KIF6: variants seen among roughly 807,000 people sequenced by gnomAD.
KIF6 encodes kinesin family member 6, also known as kinesin-like protein KIF6.
Under a neutral mutation model 112.7 loss-of-function variants are expected in KIF6, and 106 were observed. The observed-to-expected ratio is 0.94, with a 90% CI of 0.80 to 1.11. KIF6 has a LOEUF of 1.11. Among genes scored for constraint, KIF6 ranks in the 50% least tolerant of loss-of-function variants. KIF6 has a pLI of 0.00. For synonymous variants in KIF6, 339 were observed against 339.9 expected (o/e 1.00, Z 0.03); for missense variants, 929 against 964.0 (o/e 0.96, Z 0.48).
chr6:39,438,495 AT>A (rs1399368602), intron 13 of KIF6, among the ~76,000 whole-genome samples: 1 of 152,162 alleles, frequency 6.6e-6, no homozygotes, highest in African/African-American at 2.4e-5. Flanking sequence ...CTGTGTCTTC[AT>A]TTTTAACAAA....
chr6:39,645,020 T>C (rs1401546157), intron 3 of KIF6, among the ~76,000 whole-genome samples: 1 of 152,208 alleles, frequency 6.6e-6, no homozygotes, highest in Non-Finnish European at 1.5e-5. Flanking sequence ...GAAGTATTTC[T>C]GAACTTCCTA....
At chr6:39,600,062 T>C (rs1782490553) in intron 6 of KIF6, among the ~76,000 whole-genome samples, 2 of 152,198 alleles carry the variant, frequency 1.3e-5, no homozygotes, top group South Asian at 4.1e-4. Flanking sequence ...TGGAGCTTTT[T>C]AAGTGTTATT....
intron 5 of KIF6, among the ~76,000 whole-genome samples, chr6:39,616,974 C>G (rs1449445318): frequency 6.6e-6 from 1 of 152,180 alleles, no homozygotes; most frequent in Non-Finnish European, 1.5e-5. Flanking sequence ...TAATCTACCA[C>G]TTGGTTCTGA....
chr6:39,483,910 C>T (rs184714980), intron 13 of KIF6, among the ~76,000 whole-genome samples: 20 of 152,060 alleles, frequency 1.3e-4, no homozygotes, highest in African/African-American at 4.1e-4. Context: ...GAATTCTGGC[C>T]GAGGGTCAGG....
At chr6:39,372,192 A>C (rs1766055075) in intron 16 of KIF6, among the ~76,000 whole-genome samples, 1 of 152,170 alleles carries the variant, frequency 6.6e-6, no homozygotes, top group African/African-American at 2.4e-5. Context: ...TGACCAATTC[A>C]GTTATGGGGT....
intron 13 of KIF6, among the ~76,000 whole-genome samples, chr6:39,539,276 C>T (rs910710737): frequency 6.6e-6 from 1 of 151,500 alleles, no homozygotes; most frequent in Non-Finnish European, 1.5e-5. Flanking sequence ...TCTGAGTTGG[C>T]CCAACCCTGC....
intron 3 of KIF6, among the ~76,000 whole-genome samples, chr6:39,680,933 G>A (rs1402152053): frequency 6.6e-6 from 1 of 152,114 alleles, no homozygotes; most frequent in Non-Finnish European, 1.5e-5. Flanking sequence ...CAGTGTACAG[G>A]ACACAGGCAG....
intron 22 of KIF6, among the ~76,000 whole-genome samples, chr6:39,340,527 C>A (rs1362485171): frequency 2.0e-5 from 3 of 152,220 alleles, no homozygotes; most frequent in Non-Finnish European, 2.9e-5. Context: ...AGTGATACAA[C>A]CTCTGTGTGC....
chr6:39,412,582 C>T (rs996663734), intron 15 of KIF6, among the ~76,000 whole-genome samples: 5 of 152,174 alleles, frequency 3.3e-5, no homozygotes, highest in Non-Finnish European at 4.4e-5. Context: ...AATACACAGT[C>T]GGTTCTCTTA....
rs1039237590 is a variant in KIF6 at position 39,686,437 on chromosome 6, T to A, written c.251+28255A>T. On this transcript the variant is annotated intron_variant, in intron 3 of 22. Coordinates refer to ENST00000287152, the MANE Select transcript of KIF6 (RefSeq NM_145027.6). ...AAATGGAAACTTTTTAATAAGCAGC[T>A]TTCTCTTATAGTCTTAAAGCTACAG... Among the ~76,000 whole-genome samples, 5 of 152,358 alleles carry A rather than the reference T, an allele frequency of 3.3e-5. No individual in the cohort carries two copies. In the East Asian group the frequency reaches 9.6e-4, roughly 29 times the overall value.
chr6:39,356,386 C>A (rs1279101418), intron 19 of KIF6, among the ~76,000 whole-genome samples: 1 of 152,060 alleles, frequency 6.6e-6, no homozygotes, highest in Non-Finnish European at 1.5e-5. Flanking sequence ...CTGCCTCAGC[C>A]CCCCAAGTAG....
At chr6:39,708,594 A>G (rs182125028) in intron 3 of KIF6, among the ~76,000 whole-genome samples, 208 of 152,302 alleles carry the variant, frequency 1.4e-3, no homozygotes, top group African/African-American at 4.8e-3. Flanking sequence ...CTTACAAAAC[A>G]TTGAATTTCC....
In KIF6 at chr6:39,652,539, AC is replaced by A. The variant is rs1161899676; in HGVS notation, c.252-12783del. Among the ~76,000 whole-genome samples the A allele has an allele frequency of 3.4e-4, 50 of 148,798 alleles. 1 individual carries two copies. Among genetic ancestry groups the A allele is most frequent in the Admixed American group, 2.7e-3 (40 of 14,904 alleles). On this transcript the variant is annotated intron_variant, in intron 3 of 22. Coordinates refer to ENST00000287152, the MANE Select transcript of KIF6 (RefSeq NM_145027.6). ...TGAAACTCCATCTCAAAAAAAAAAA[AC>A]AAAACAAAACAAACAAAGAAAAACA...
intron 10 of KIF6, among the ~76,000 whole-genome samples, chr6:39,576,098 G>A (rs1780959475): frequency 6.6e-6 from 1 of 152,004 alleles, no homozygotes; most frequent in Non-Finnish European, 1.5e-5. Flanking sequence ...AAAACATACA[G>A]GATACACAGG....
intron 13 of KIF6, among the ~76,000 whole-genome samples, chr6:39,455,962 G>T (rs1412517324): frequency 1.1e-5 from 1 of 92,028 alleles, no homozygotes; most frequent in Non-Finnish European, 2.2e-5. Context: ...TATTATCCAG[G>T]AGAACTTCCC....
intron 15 of KIF6, among the ~76,000 whole-genome samples, chr6:39,394,697 G>A (rs1768128808): frequency 6.6e-6 from 1 of 152,206 alleles, no homozygotes; most frequent in African/African-American, 2.4e-5. Context: ...GCCAGGAGTG[G>A]CCTAAATGCT....
intron 3 of KIF6, among the ~76,000 whole-genome samples, chr6:39,689,502 A>ATAG (rs982558115): frequency 2.6e-5 from 4 of 152,166 alleles, no homozygotes; most frequent in African/African-American, 9.7e-5. Flanking sequence ...TTCTCAAAAA[A>ATAG]TAGTAATAAT....
chr6:39,437,128 C>T (rs1317657569), intron 13 of KIF6, among the ~76,000 whole-genome samples: 1 of 151,856 alleles, frequency 6.6e-6, no homozygotes, highest in South Asian at 2.1e-4. Flanking sequence ...TTTTTTGTGG[C>T]TATTGTAAAA....
intron 13 of KIF6, among the ~76,000 whole-genome samples, chr6:39,450,132 T>C (rs1772592890): frequency 6.6e-6 from 1 of 152,232 alleles, no homozygotes; most frequent in South Asian, 2.1e-4. Context: ...CACTCTCTTT[T>C]CCTGGCAAGA....
Sources: gnomAD v4.1 joint callset for allele counts (sites outside exome capture counted in the v4.1 genomes callset) on GRCh38, gnomAD v4.1.1 for gene constraint, MANE v1.5 for transcripts, NCBI Gene and HGNC (gene_info 2026-07-23, HGNC 2026-07-21) for gene names.